Variants in CNOT2 observed in about 807,000 individuals in gnomAD.
The protein encoded by CNOT2 is CC chemokine receptor 4-negative regulator of transcription 2.
Under a neutral mutation model 72.1 loss-of-function variants are expected in CNOT2, and 7 were observed. The ratio of observed to expected loss-of-function variants is 0.10; its 90% CI spans 0.06 to 0.18. The LOEUF (loss-of-function observed/expected upper bound fraction) is 0.18, where lower values mean the gene tolerates loss of function less well. Ranked by LOEUF, CNOT2 falls within the 10% of genes least tolerant of loss-of-function variation. The pLI, the probability that CNOT2 is intolerant of heterozygous loss-of-function variation, is 1.00. For missense variants in CNOT2, 345 were observed against 660.3 expected, an observed-to-expected ratio of 0.52 and a Z score of 5.23; for synonymous variants, 196 against 225.6, an observed-to-expected ratio of 0.87 and a Z score of 1.17.
chr12:70,341,547 G>T (rs2136065696), intron 11 of CNOT2, among the ~76,000 whole-genome samples: 1 of 152,020 alleles, frequency 6.6e-6, no homozygotes, highest in South Asian at 2.1e-4. Flanking sequence ...AATTGATTTT[G>T]TCTGTCCCCC....
intron 2 of CNOT2, among the ~76,000 whole-genome samples, chr12:70,302,787 CGTT>C (rs1170751304): frequency 6.6e-6 from 1 of 151,384 alleles, no homozygotes; most frequent in Admixed American, 6.6e-5. Context: ...CTTTCTGTCT[CGTT>C]GATCTGTCTA....
At chr12:70,256,755 A>T (rs1465333676) in intron 1 of CNOT2, among the ~76,000 whole-genome samples, 2 of 152,150 alleles carry the variant, frequency 1.3e-5, no homozygotes, top group African/African-American at 4.8e-5. Flanking sequence ...TAAGCTCTAC[A>T]GTCTCTCGTT....
chr12:70,295,232 A>G (rs1872622191), intron 2 of CNOT2, among the ~76,000 whole-genome samples: 1 of 152,182 alleles, frequency 6.6e-6, no homozygotes, highest in South Asian at 2.1e-4. Flanking sequence ...AAGATGGCCC[A>G]TGGTTGCTAA....
chr12:70,243,141 G>T (rs1030510292), upstream of CNOT2: 8 of 152,316 alleles, frequency 5.3e-5, no homozygotes, highest in Non-Finnish European at 8.8e-5. Flanking sequence ...CTAGCCCCAG[G>T]GAAACGGTAG....
Position 70,354,027 on chromosome 12 carries a change from T to A in CNOT2, c.*112T>A. 3 of 1,444,572 alleles carry A rather than the reference T, an allele frequency of 2.1e-6. No individual in the cohort carries two copies. Among genetic ancestry groups the A allele is most frequent in the Non-Finnish European group, 2.7e-6 (3 of 1,098,358 alleles). 89.5% of individuals were successfully genotyped at this position (1,444,572 alleles called of 1,614,324 possible). ...GTGGCTCAGGCACCCTGGTTTTAAT[T>A]CCTTGAGGATCTGGCAATTGGCTTA... On this transcript the variant is annotated 3_prime_UTR_variant, in exon 16 of 16. Transcript: ENST00000229195.
intron 1 of CNOT2, among the ~76,000 whole-genome samples, chr12:70,260,709 C>T (rs1958701171): frequency 1.3e-5 from 2 of 152,104 alleles, no homozygotes; most frequent in South Asian, 4.1e-4. Context: ...GTTTTTGCTT[C>T]ATTCATTTCG....
chr12:70,276,472 A>G (rs1029209157), intron 1 of CNOT2, among the ~76,000 whole-genome samples: 6 of 152,130 alleles, frequency 3.9e-5, no homozygotes, highest in South Asian at 4.1e-4. Flanking sequence ...GGCATGTACT[A>G]CTTTACAATT....
At chr12:70,327,094 G>A (rs1470661669) in intron 4 of CNOT2, among the ~76,000 whole-genome samples, 1 of 151,852 alleles carries the variant, frequency 6.6e-6, no homozygotes, top group South Asian at 2.1e-4. Context: ...AGACTTGAAG[G>A]AGTCAAATCT....
intron 2 of CNOT2, among the ~76,000 whole-genome samples, chr12:70,293,914 CTTTTTTTTTT>C (rs34038348): frequency 1.4e-5 from 1 of 71,314 alleles, no homozygotes; most frequent in Non-Finnish European, 2.6e-5. Context: ...GTGAGCACTG[CTTTTTTTTTT>C]TTTTTTTTTT....
intron 1 of CNOT2, among the ~76,000 whole-genome samples, chr12:70,257,263 G>A (rs1958501403): frequency 6.6e-6 from 1 of 151,684 alleles, no homozygotes; most frequent in African/African-American, 2.4e-5. Context: ...TAACTCAGAG[G>A]TTAGAAGGAG....
chr12:70,251,923 A>G (rs1391238068), intron 1 of CNOT2, among the ~76,000 whole-genome samples: 1 of 152,194 alleles, frequency 6.6e-6, no homozygotes, highest in Non-Finnish European at 1.5e-5. Context: ...TTCTTGGATA[A>G]ATTGAAATAA....
chr12:70,302,725 A>G (rs1259203391), intron 2 of CNOT2, among the ~76,000 whole-genome samples: 7 of 152,220 alleles, frequency 4.6e-5, no homozygotes, highest in Admixed American at 1.3e-4. Context: ...GTAGATGTCT[A>G]TTAGGTCCAC....
intron 2 of CNOT2, among the ~76,000 whole-genome samples, chr12:70,287,477 T>G (rs1212215417): frequency 2.0e-5 from 3 of 149,868 alleles, no homozygotes; most frequent in African/African-American, 7.3e-5. Context: ...GTTATCTTTT[T>G]GTTGCTGATT....
chr12:70,342,172 G>A lies in CNOT2; in HGVS notation c.1240+4G>A. 6.2e-7 allele frequency: 1 copy of A among 1,611,814 alleles called. No homozygotes were observed. The highest frequency in any genetic ancestry group is 1.7e-5 in the Admixed American group (1 of 60,006). ...CCTTGTCGACCTCAAGACATAGGTA[G>A]GAGAATCTATTTGTGTTTAGACCTT... On this transcript the variant is annotated splice_donor_region_variant and intron_variant, in intron 12 of 15. Coordinates refer to ENST00000229195, the MANE Select transcript of CNOT2 (RefSeq NM_014515.7).
chr12:70,353,700 G>T, intron 15 of CNOT2, 129 bp from the exon 16 acceptor site: 2 of 1,417,776 alleles, frequency 1.4e-6, no homozygotes, highest in South Asian at 1.4e-5. Context: ...AGGAAAAACA[G>T]TTGGTATATC....
At chr12:70,340,974 C>T (rs1881425075) in intron 11 of CNOT2, among the ~76,000 whole-genome samples, 1 of 140,916 alleles carries the variant, frequency 7.1e-6, no homozygotes, top group Non-Finnish European at 1.5e-5. Context: ...CGGGTCATTA[C>T]AACCTCCACC....
At chr12:70,297,154 C>T (rs1332674587) in intron 2 of CNOT2, among the ~76,000 whole-genome samples, 1 of 152,088 alleles carries the variant, frequency 6.6e-6, no homozygotes, top group Non-Finnish European at 1.5e-5. Context: ...TAGCCAAGAA[C>T]TTGTGCATAT....
chr12:70,308,013 A>G (rs961197175), intron 2 of CNOT2: 2 of 152,070 alleles, frequency 1.3e-5, no homozygotes, highest in South Asian at 2.1e-4. Context: ...GAGGTGTACT[A>G]TATGGTCTAG....
At chr12:70,349,347 C>A (rs990377454) in intron 15 of CNOT2, among the ~76,000 whole-genome samples, 1 of 152,078 alleles carries the variant, frequency 6.6e-6, no homozygotes, top group Non-Finnish European at 1.5e-5. Flanking sequence ...AGTGGGTGTG[C>A]CTTACTATTC....
Sources: gnomAD v4.1 joint callset for allele counts (sites outside exome capture counted in the v4.1 genomes callset) on GRCh38, gnomAD v4.1.1 for gene constraint, MANE v1.5 for transcripts, NCBI Gene and HGNC (gene_info 2026-07-23, HGNC 2026-07-21) for gene names.